The following ZZZ3 variants were observed in gnomAD, a reference collection of about 807,000 sequenced individuals.
The protein encoded by ZZZ3 is ZZ-type zinc finger-containing protein 3.
A neutral mutation model predicts 95.2 loss-of-function variants in ZZZ3; 22 were observed. That is an observed-to-expected ratio of 0.23 (90% CI 0.17 to 0.33). The LOEUF is 0.33. Ranked by LOEUF, ZZZ3 falls within the 10% of genes least tolerant of loss-of-function variation. The pLI is 1.00. For missense variants in ZZZ3, 885 were observed against 1,066.5 expected, an observed-to-expected ratio of 0.83 and a Z score of 2.37; for synonymous variants, 335 against 358.9, an observed-to-expected ratio of 0.93 and a Z score of 0.75.
At chr1:77,610,574 G>A (rs1293859809) in intron 5 of ZZZ3, among the ~76,000 whole-genome samples, 2 of 151,146 alleles carry the variant, frequency 1.3e-5, no homozygotes, top group Non-Finnish European at 3.0e-5. Context: ...CAAAATACAA[G>A]CAAACAAAAT....
At chr1:77,592,969 T>G (rs1029866194) in intron 5 of ZZZ3, among the ~76,000 whole-genome samples, 4 of 152,290 alleles carry the variant, frequency 2.6e-5, no homozygotes, top group East Asian at 1.9e-4. Flanking sequence ...AACATGTTTT[T>G]GGGGCACTTT....
At chr1:77,582,154 A>G (rs765768367) in intron 6 of ZZZ3, 28 bp from the exon 7 acceptor site, 8 of 1,566,404 alleles carry the variant, frequency 5.1e-6, no homozygotes, top group Non-Finnish European at 6.0e-6. Flanking sequence ...AAAACAAAAT[A>G]AAGTAAAAGT....
At chr1:77,587,856 G>C in intron 5 of ZZZ3, among the ~76,000 whole-genome samples, 1 of 152,292 alleles carries the variant, frequency 6.6e-6, no homozygotes, top group East Asian at 1.9e-4. Flanking sequence ...CCTACTCAAC[G>C]TGAGGACAAT....
rs1557746856 is a variant in ZZZ3, at chr1:77,633,263, C to T, written c.92G>A (p.Arg31His). The T allele has an allele frequency of 3.1e-6, 5 of 1,614,048 alleles. No individual in the cohort carries two copies. Among genetic ancestry groups the T allele is most frequent in the Non-Finnish European group, 3.4e-6 (4 of 1,179,980 alleles). Reference sequence around the variant, plus strand: ...GATTTCTTCAGGATGCGCAATGCTACGATTCCTTAAAGTTCTACCACAAAA... The same window carrying T: ...GATTTCTTCAGGATGCGCAATGCTATGATTCCTTAAAGTTCTACCACAAAA... ...ESFCGRTLRN[R>H]SIAHPEEISS... The change falls in exon 5 of 15, where the codon CGT (arginine) becomes CAT (histidine). Residue 31 changes from arginine (R) to histidine (H), a missense_variant. Around this residue, in one of 5 missense-constraint regions of ZZZ3, gnomAD observed 556 missense variants for 652.9 expected, o/e 0.85. Transcript: ENST00000370801.
intron 5 of ZZZ3, among the ~76,000 whole-genome samples, chr1:77,611,232 C>CAAAAAA (rs142588523): frequency 3.5e-5 from 2 of 57,274 alleles, no homozygotes; most frequent in African/African-American, 6.7e-5. Context: ...AAATACCTAC[C>CAAAAAA]AAAAAAAAAA....
intron 8 of ZZZ3, among the ~76,000 whole-genome samples, chr1:77,581,508 C>T (rs1195696664): frequency 1.3e-5 from 2 of 152,156 alleles, no homozygotes; most frequent in Non-Finnish European, 2.9e-5. Context: ...CTATTTAACC[C>T]TCACCAACAA....
intron 5 of ZZZ3, among the ~76,000 whole-genome samples, chr1:77,610,756 T>C (rs1348673900): frequency 6.6e-6 from 1 of 151,426 alleles, no homozygotes; most frequent in African/African-American, 2.4e-5. Context: ...AAGTTTGACA[T>C]CCCTTCATGA....
At chr1:77,567,378 G>A (rs1250690624) in intron 13 of ZZZ3, among the ~76,000 whole-genome samples, 1 of 152,160 alleles carries the variant, frequency 6.6e-6, no homozygotes, top group African/African-American at 2.4e-5. Flanking sequence ...TGGCCAAAAT[G>A]ATGAGGGGAA....
chr1:77,622,136 CAAA>C (rs58597820), intron 5 of ZZZ3, among the ~76,000 whole-genome samples: 2 of 81,870 alleles, frequency 2.4e-5, no homozygotes, highest in Non-Finnish European at 2.5e-5. Context: ...CTTGTCTCCA[CAAA>C]AAAAAAAAAA....
chr1:77,624,386 T>G (rs919108083), intron 5 of ZZZ3, among the ~76,000 whole-genome samples: 1 of 152,162 alleles, frequency 6.6e-6, no homozygotes, highest in Non-Finnish European at 1.5e-5. Context: ...CATTACAACT[T>G]ACAAGCCCCA....
chr1:77,646,223 G>GT (rs554799403), intron 1 of ZZZ3, among the ~76,000 whole-genome samples: 40 of 149,940 alleles, frequency 2.7e-4, no homozygotes, highest in South Asian at 4.2e-4. Flanking sequence ...TTTGTTTTTT[G>GT]TTTTTTTTTC....
chr1:77,622,014 C>T (rs150117485), intron 5 of ZZZ3, among the ~76,000 whole-genome samples: 8 of 151,154 alleles, frequency 5.3e-5, no homozygotes, highest in East Asian at 2.0e-4. Flanking sequence ...TATATGAATG[C>T]GTTAATAACT....
intron 1 of ZZZ3, among the ~76,000 whole-genome samples, chr1:77,666,677 C>A (rs1671279439): frequency 6.6e-6 from 1 of 152,116 alleles, no homozygotes. Flanking sequence ...TCATTCCAGG[C>A]TCTAAGAACT....
intron 12 of ZZZ3, among the ~76,000 whole-genome samples, chr1:77,574,986 A>C (rs915267115): frequency 2.0e-5 from 3 of 152,058 alleles, no homozygotes; most frequent in Admixed American, 6.6e-5. Flanking sequence ...GACATCGAGA[A>C]TATCCTGGCC....
At chr1:77,677,076 AC>A (rs1156680581) in intron 1 of ZZZ3, 1 of 152,228 alleles carries the variant, frequency 6.6e-6, no homozygotes, top group Non-Finnish European at 1.5e-5. Context: ...ACCGTGGCTC[AC>A]CCCTGTAATC....
At chr1:77,596,811 T>C (rs1047471946) in intron 5 of ZZZ3, among the ~76,000 whole-genome samples, 155 of 152,174 alleles carry the variant, frequency 1.0e-3, no homozygotes, top group African/African-American at 3.5e-3. Flanking sequence ...TGGAGTGGAA[T>C]TGTACAGATA....
In ZZZ3 at chr1:77,682,647, T is replaced by G. The variant is rs1319992521; in HGVS notation, c.-465A>C. ...CCAAGGCTCCGCCATCCAGGACAAC[T>G]GCTCTGCCAACGAGGTCCCGCGAGA... is the stretch of plus-strand genomic sequence containing the variant. On this transcript the variant is annotated 5_prime_UTR_variant, in exon 1 of 15. Coordinates refer to ENST00000370801, the MANE Select transcript of ZZZ3 (RefSeq NM_015534.6). The G allele has an allele frequency of 1.3e-5, 2 of 152,174 alleles. No individual in the cohort carries two copies. The highest frequency in any genetic ancestry group is 2.9e-5 in the Non-Finnish European group (2 of 68,066). The allele number at this position is 152,174 out of a possible 1,614,324, so 9.4% of individuals were successfully genotyped here.
chr1:77,666,849 C>A (rs278854), intron 1 of ZZZ3, among the ~76,000 whole-genome samples: 46,285 of 152,034 alleles, frequency 0.3, 7,605 homozygotes, highest in South Asian at 0.48. Context: ...GAGCACCATT[C>A]ACATTGAAGT....
rs758795139 is a variant in ZZZ3, at chr1:77,632,003, C to G, written c.1352G>C (p.Gly451Ala). The stretch of plus-strand genomic sequence containing the variant: ...TGCCTCTGAGGGTGGTTTACTTACT[C>G]CTTCACTTCCATTATTTTGAGAGTC... ...CCDSQNNGSE[G>A]VSKPPSEARL... The change falls in exon 5 of 15, where the codon GGA becomes GCA. Residue 451 changes from glycine to alanine, a missense_variant. Around this residue, in one of 5 missense-constraint regions of ZZZ3, gnomAD observed 556 missense variants for 652.9 expected, o/e 0.85. Transcript: ENST00000370801. 4.3e-5 allele frequency: 69 copies of G among 1,614,042 alleles called. No homozygotes were observed. Among genetic ancestry groups the G allele is most frequent in the Non-Finnish European group, 5.8e-5 (69 of 1,179,976 alleles).
Sources: allele counts gnomAD v4.1 joint callset (sites outside exome capture counted in the v4.1 genomes callset), GRCh38; gene constraint gnomAD v4.1.1; regional missense constraint gnomAD v4.1.1; transcripts MANE v1.5; gene names NCBI Gene and HGNC (gene_info 2026-07-23, HGNC 2026-07-21).